KIF1B: variants seen among roughly 807,000 people sequenced by gnomAD.
The protein encoded by KIF1B is kinesin family member 1B, also known as kinesin-like protein KIF1B.
In KIF1B, 76 loss-of-function variants were observed where a neutral mutation model predicts 241.9. The ratio of observed to expected loss-of-function variants is 0.31; its 90% CI spans 0.26 to 0.38. The LOEUF (loss-of-function observed/expected upper bound fraction) is 0.38, where lower values mean the gene tolerates loss of function less well. Among genes scored for constraint, KIF1B ranks in the 10% least tolerant of loss-of-function variants. KIF1B has a pLI of 1.00. For synonymous variants in KIF1B, 750 were observed against 796.7 expected (o/e 0.94, Z 0.99); for missense variants, 1,622 against 2,271.4 (o/e 0.71, Z 5.81).
At chr1:10,310,367 A>T (rs1651014795) in intron 22 of KIF1B, among the ~76,000 whole-genome samples, 1 of 151,614 alleles carries the variant, frequency 6.6e-6, no homozygotes, top group South Asian at 2.1e-4. Flanking sequence ...ATAACCAGTG[A>T]TCTGGAATGG....
chr1:10,274,084 C>T (rs1648972280), intron 10 of KIF1B, among the ~76,000 whole-genome samples: 1 of 151,612 alleles, frequency 6.6e-6, no homozygotes, highest in African/African-American at 2.4e-5. Flanking sequence ...TTACAGGTGC[C>T]CGCCACCACC....
intron 1 of KIF1B, among the ~76,000 whole-genome samples, chr1:10,230,154 G>A (rs1021593153): frequency 5.3e-5 from 8 of 152,024 alleles, no homozygotes; most frequent in Admixed American, 3.9e-4. Context: ...TAGCCTGGAC[G>A]GGTAGGGCAT....
At chr1:10,336,505 T>C (rs1249822575) in intron 28 of KIF1B, 152 bp from the exon 29 acceptor site, 9 of 722,768 alleles carry the variant, frequency 1.2e-5, no homozygotes, top group Admixed American at 1.2e-4. Flanking sequence ...TAAATCTACA[T>C]GAATAGAGTG....
At chr1:10,286,860 AAGGG>A (rs1346462213) in intron 15 of KIF1B, among the ~76,000 whole-genome samples, 2 of 152,052 alleles carry the variant, frequency 1.3e-5, no homozygotes, top group Non-Finnish European at 1.5e-5. Context: ...TTTTCAAAGA[AAGGG>A]AGGAGGATTA....
At position 10,374,741 on chromosome 1, in the gene KIF1B, G is replaced by A. The variant is rs1638837053; in HGVS notation, c.5097-113G>A. ...AGATTCTAGGCCAAATAGGTCATTT[G>A]CCTGTTTCATCGAATCTAAGGACTT... On this transcript the variant is annotated intron_variant, in intron 46 of 48. Coordinates refer to ENST00000676179, the MANE Select transcript of KIF1B (RefSeq NM_001365951.3). This position sits in a 1 kb window ranked among gnomAD's most constrained non-coding sequence, Gnocchi z 4.3. 7.5e-6 allele frequency: 8 copies of A among 1,068,980 alleles called. No individual in the cohort carries two copies. The highest frequency in any genetic ancestry group is 1.1e-5 in the Non-Finnish European group (8 of 699,636). 66.2% of individuals were successfully genotyped at this position (1,068,980 alleles called of 1,614,324 possible). A position where few individuals can be genotyped will look rare whatever the true frequency, so the allele number is the denominator to read the frequency against.
chr1:10,277,949 G>T, intron 12 of KIF1B, 37 bp from the exon 13 acceptor site: 1 of 1,594,564 alleles, frequency 6.3e-7, no homozygotes, highest in South Asian at 1.1e-5. Context: ...TAGAACATAT[G>T]AGAAATGACA....
In KIF1B at chr1:10,232,137, C is replaced by T. The variant is rs1051061199; in HGVS notation, c.-79-113C>T. On this transcript the variant is annotated intron_variant, in intron 1 of 48. Coordinates refer to ENST00000676179, the MANE Select transcript of KIF1B (RefSeq NM_001365951.3). ...TGCACGGGAGAAAAGGGATGAATAT[C>T]GTTTTTATAAATGGAAACAGAAATA... is the stretch of plus-strand genomic sequence containing the variant. 5.5e-5 allele frequency: 31 copies of T among 563,798 alleles called. 1 individual carries two copies. The highest frequency in any genetic ancestry group is 3.7e-4 in the South Asian group (18 of 48,480). 34.9% of individuals were successfully genotyped at this position (563,798 alleles called of 1,614,324 possible). A position where few individuals can be genotyped will look rare whatever the true frequency, so the allele number is the denominator to read the frequency against.
At chr1:10,212,465 A>G (rs905012587) in intron 1 of KIF1B, among the ~76,000 whole-genome samples, 1 of 152,160 alleles carries the variant, frequency 6.6e-6, no homozygotes, top group Non-Finnish European at 1.5e-5. Context: ...GTTCTTTTCT[A>G]TATCCTAGAT....
chr1:10,220,156 C>T (rs1646822314), intron 1 of KIF1B, among the ~76,000 whole-genome samples: 1 of 148,076 alleles, frequency 6.8e-6, no homozygotes, highest in South Asian at 2.2e-4. Flanking sequence ...GAGCCGAGAT[C>T]GCGAGCCATT....
In KIF1B at chr1:10,303,294, A is replaced by T; in HGVS notation, c.2115+6048A>T. ...CCATTGTTAAAAAATGTGGCCTCCCAAGCAGTGGGAAGAAACGTGAACCAA... is the reference window on the plus strand; with the variant it reads ...CCATTGTTAAAAAATGTGGCCTCCCTAGCAGTGGGAAGAAACGTGAACCAA... On this transcript the variant is annotated intron_variant, in intron 22 of 48. Coordinates refer to ENST00000676179, the MANE Select transcript of KIF1B (RefSeq NM_001365951.3). The surrounding 1 kb of genome is among the most constrained non-coding windows in gnomAD (Gnocchi z 5.2). 6.2e-7 allele frequency: 1 copy of T among 1,614,214 alleles called. No individual in the cohort carries two copies. Among genetic ancestry groups the T allele is most frequent in the South Asian group, 1.1e-5 (1 of 91,088 alleles).
chr1:10,248,073 CA>C (rs1317374009), intron 2 of KIF1B, among the ~76,000 whole-genome samples: 2 of 152,172 alleles, frequency 1.3e-5, no homozygotes, highest in Non-Finnish European at 1.5e-5. Context: ...GTCTCTGGCC[CA>C]GGGGTGGGGC....
intron 1 of KIF1B, among the ~76,000 whole-genome samples, chr1:10,231,933 T>G (rs990801030): frequency 6.6e-6 from 1 of 152,124 alleles, no homozygotes; most frequent in Non-Finnish European, 1.5e-5. Flanking sequence ...TAATTTTCTA[T>G]TTAATAATTT....
Position 10,290,121 on chromosome 1 carries a change from G to A in KIF1B, c.1435-961G>A, listed in dbSNP as rs536141025. Among the ~76,000 whole-genome samples, 783 of 151,610 alleles carry A rather than the reference G, an allele frequency of 5.2e-3. 5 individuals carry two copies. Among genetic ancestry groups the A allele is most frequent in the African/African-American group, 0.018 (755 of 41,322 alleles). ...CCTTGAGAGCAGGAAACATGTTTTC[G>A]TTCTTTTTAAATTAAATTAAATTTA... On this transcript the variant is annotated intron_variant, in intron 15 of 48. Coordinates refer to ENST00000676179, the MANE Select transcript of KIF1B (RefSeq NM_001365951.3).
At chr1:10,225,886 C>A (rs1216327456) in intron 1 of KIF1B, among the ~76,000 whole-genome samples, 2 of 151,880 alleles carry the variant, frequency 1.3e-5, no homozygotes, top group African/African-American at 2.4e-5. Flanking sequence ...TTGAAGTGGA[C>A]AGTGATAGAA....
At chr1:10,219,136 C>T (rs1204950425) in intron 1 of KIF1B, among the ~76,000 whole-genome samples, 1 of 152,098 alleles carries the variant, frequency 6.6e-6, no homozygotes, top group African/African-American at 2.4e-5. Context: ...TAAAGATGTT[C>T]TAAGAGAAAA....
chr1:10,350,490 C>T (rs1196838647), intron 37 of KIF1B, among the ~76,000 whole-genome samples: 1 of 151,876 alleles, frequency 6.6e-6, no homozygotes, highest in East Asian at 1.9e-4. Context: ...AACCTGGAGG[C>T]GGAGCTTGCA....
At chr1:10,346,605 TC>T (rs1224934750) in intron 35 of KIF1B, among the ~76,000 whole-genome samples, 1 of 152,176 alleles carries the variant, frequency 6.6e-6, no homozygotes, top group Non-Finnish European at 1.5e-5. Context: ...CCTCAGGTGA[TC>T]CACCCGCCTC....
Position 10,348,676 on chromosome 1 carries a change from A to T in KIF1B, c.3892A>T (p.Ile1298Phe). ...CATCCAGCGAAGGATCACAGTGACC[A>T]TTATCCATGAGAAGGGGAGCGAGCT... Reference protein sequence around the residue: ...QGIQRRITVTIIHEKGSELHW... With the variant: ...QGIQRRITVTFIHEKGSELHW... The change falls in exon 37 of 49, where the codon ATT (isoleucine) becomes TTT (phenylalanine). Residue 1298 changes from isoleucine (I) to phenylalanine (F), a missense_variant. By Grantham distance (21) the Ile-to-Phe change is conservative. Transcript: ENST00000676179. 1 of 1,614,162 alleles carries T rather than the reference A, an allele frequency of 6.2e-7. No individual in the cohort carries two copies. The highest frequency in any genetic ancestry group is 8.5e-7 in the Non-Finnish European group (1 of 1,179,980).
chr1:10,259,960 GA>G (rs913986660), intron 4 of KIF1B, among the ~76,000 whole-genome samples: 137 of 146,652 alleles, frequency 9.3e-4, no homozygotes, highest in African/African-American at 3.1e-3. Flanking sequence ...AAAAACTTAA[GA>G]AAAAAAAAAG....
Sources: allele counts gnomAD v4.1 joint callset (sites outside exome capture counted in the v4.1 genomes callset), GRCh38; gene constraint gnomAD v4.1.1; non-coding constraint Gnocchi (gnomAD v3.1); transcripts MANE v1.5; gene names NCBI Gene and HGNC (gene_info 2026-07-23, HGNC 2026-07-21).